The following ULK4 variants were observed in gnomAD, a reference collection of about 807,000 sequenced individuals.
ULK4 encodes unc-51 like kinase 4, also known as inactive serine/threonine-protein kinase ULK4.
Under a neutral mutation model 160.6 loss-of-function variants are expected in ULK4, and 133 were observed. The observed-to-expected ratio is 0.83, with a 90% confidence interval of 0.72 to 0.96. The LOEUF is 0.96. Ranked by LOEUF, ULK4 falls within the 40% of genes least tolerant of loss-of-function variation. The probability of loss-of-function intolerance (pLI) is 0.00; values close to 1 mark genes in which losing one functional copy is unlikely to be tolerated. For synonymous variants in ULK4, 534 were observed against 539.8 expected (o/e 0.99, Z 0.15); for missense variants, 1,580 against 1,499.5 (o/e 1.05, Z -0.89).
At chr3:41,344,752 C>CAAAAAAAAAAAAAAAAA (rs59466358) in intron 35 of ULK4, among the ~76,000 whole-genome samples, 2 of 62,830 alleles carry the variant, frequency 3.2e-5, no homozygotes, top group Non-Finnish European at 6.2e-5. Context: ...GACTCTGTCT[C>CAAAAAAAAAAAAAAAAA]AAAAAAAAAA....
At chr3:41,804,804 A>G (rs1467176878) in intron 19 of ULK4, among the ~76,000 whole-genome samples, 1 of 152,030 alleles carries the variant, frequency 6.6e-6, no homozygotes, top group Non-Finnish European at 1.5e-5. Context: ...GATATGTGGC[A>G]TTATTTCTGA....
intron 35 of ULK4, among the ~76,000 whole-genome samples, chr3:41,309,214 G>A (rs2080003228): frequency 6.6e-6 from 1 of 152,002 alleles, no homozygotes; most frequent in African/African-American, 2.4e-5. Flanking sequence ...GAATATTGCT[G>A]CAGGAAGCAA....
intron 15 of ULK4, 26 bp downstream of exon 15, chr3:41,896,796 G>A: frequency 6.3e-7 from 1 of 1,589,720 alleles, no homozygotes; most frequent in Non-Finnish European, 8.5e-7. Context: ...AAATTAAAAT[G>A]CATAAGGCAT....
intron 35 of ULK4, chr3:41,258,319 C>T (rs1401734051): frequency 2.0e-5 from 3 of 152,190 alleles, no homozygotes; most frequent in Admixed American, 1.3e-4. Context: ...GAAATCTCCT[C>T]TCCATTTTGA....
intron 35 of ULK4, among the ~76,000 whole-genome samples, chr3:41,381,639 T>C (rs1288046473): frequency 6.6e-6 from 1 of 152,130 alleles, no homozygotes; most frequent in East Asian, 1.9e-4. Context: ...ATCCAAAATA[T>C]AACCATTTTT....
Position 41,519,809 on chromosome 3 carries a change from C to G in ULK4, c.3226+46216G>C, listed in dbSNP as rs778081013. On this transcript the variant is annotated intron_variant, in intron 32 of 36. Coordinates refer to ENST00000301831, the MANE Select transcript of ULK4 (RefSeq NM_017886.4). ...ACAGTTTCAAGGAGTTGCCTCTAAA[C>G]TGAATTACTATTTTGTAAGTTGCAT... 9.8e-5 allele frequency among the ~76,000 whole-genome samples: 15 copies of G among 152,318 alleles called. No homozygotes were observed. In the South Asian group the frequency reaches 1.0e-3, roughly 11 times the overall value.
intron 23 of ULK4, 34 bp from the exon 24 acceptor site, chr3:41,715,602 T>TA: frequency 1.9e-6 from 3 of 1,613,132 alleles, no homozygotes; most frequent in Non-Finnish European, 2.5e-6. Flanking sequence ...ATGTGGAGGT[T>TA]AAAAACCACA....
intron 29 of ULK4, among the ~76,000 whole-genome samples, chr3:41,666,495 G>A (rs11717952): frequency 0.067 from 10,190 of 152,226 alleles, 473 homozygotes; most frequent in Non-Finnish European, 0.1. Flanking sequence ...ATTAAAGTCA[G>A]AAATAAAATA....
intron 22 of ULK4, among the ~76,000 whole-genome samples, chr3:41,745,341 C>G (rs1003316145): frequency 6.6e-6 from 1 of 151,268 alleles, no homozygotes; most frequent in Non-Finnish European, 1.5e-5. Flanking sequence ...ACTACAAATA[C>G]TTCAGTAGTA....
intron 22 of ULK4, among the ~76,000 whole-genome samples, chr3:41,740,740 T>C (rs1469489866): frequency 6.6e-6 from 1 of 151,974 alleles, no homozygotes; most frequent in African/African-American, 2.4e-5. Flanking sequence ...CTCAGGCAGA[T>C]GGGCAGCACT....
intron 22 of ULK4, among the ~76,000 whole-genome samples, chr3:41,729,068 T>C (rs2037741890): frequency 6.6e-6 from 1 of 152,052 alleles, no homozygotes; most frequent in South Asian, 2.1e-4. Context: ...AATAACTCCA[T>C]TTTGACTAGA....
At chr3:41,268,847 AC>A (rs2079091540) in intron 35 of ULK4, among the ~76,000 whole-genome samples, 1 of 135,358 alleles carries the variant, frequency 7.4e-6, no homozygotes, top group Admixed American at 7.5e-5. Flanking sequence ...CCCACACTCC[AC>A]CCTCTTCCCA....
chr3:41,875,394 C>CA, intron 17 of ULK4, among the ~76,000 whole-genome samples: 1 of 152,080 alleles, frequency 6.6e-6, no homozygotes, highest in Middle Eastern at 3.4e-3. Context: ...TTCAATAAAG[C>CA]TTGGCTAAAA....
chr3:41,530,693 C>T (rs2086277165), intron 32 of ULK4, among the ~76,000 whole-genome samples: 1 of 152,208 alleles, frequency 6.6e-6, no homozygotes, highest in Non-Finnish European at 1.5e-5. Flanking sequence ...AATTCAACAA[C>T]AGCTGACCAA....
intron 20 of ULK4, among the ~76,000 whole-genome samples, chr3:41,795,063 C>T (rs968482828): frequency 6.6e-6 from 1 of 152,162 alleles, no homozygotes; most frequent in African/African-American, 2.4e-5. Context: ...TATCCATTAA[C>T]CTACAAGACG....
chr3:41,358,624 T>A (rs533970738), intron 35 of ULK4, among the ~76,000 whole-genome samples: 22 of 152,098 alleles, frequency 1.4e-4, no homozygotes, highest in African/African-American at 5.3e-4. Flanking sequence ...GGGGTACAAG[T>A]ATACTTGGTG....
chr3:41,597,597 C>T (rs1269387461), intron 31 of ULK4, among the ~76,000 whole-genome samples: 2 of 152,124 alleles, frequency 1.3e-5, no homozygotes, highest in African/African-American at 2.4e-5. Context: ...GGATTCACTG[C>T]GTAGGCCACA....
intron 31 of ULK4, among the ~76,000 whole-genome samples, chr3:41,600,559 G>C (rs1413311137): frequency 2.6e-5 from 4 of 152,186 alleles, no homozygotes; most frequent in African/African-American, 9.7e-5. Flanking sequence ...AGTATGCACT[G>C]CAGCTTGTGA....
At chr3:41,597,723 C>T (rs1438129032) in intron 31 of ULK4, among the ~76,000 whole-genome samples, 1 of 152,030 alleles carries the variant, frequency 6.6e-6, no homozygotes, top group Non-Finnish European at 1.5e-5. Flanking sequence ...TGATTACTGC[C>T]CCAAGAATGC....
Sources: gnomAD v4.1 joint callset for allele counts (sites outside exome capture counted in the v4.1 genomes callset) on GRCh38, gnomAD v4.1.1 for gene constraint, MANE v1.5 for transcripts, NCBI Gene and HGNC (gene_info 2026-07-23, HGNC 2026-07-21) for gene names.